PCDHGB7: variants seen among roughly 807,000 people sequenced by gnomAD.
The protein encoded by PCDHGB7 is protocadherin gamma subfamily B, 7.
A neutral mutation model predicts 61.4 loss-of-function variants in PCDHGB7; 37 were observed. The observed-to-expected ratio is 0.60, with a 90% CI of 0.46 to 0.79. PCDHGB7 has a LOEUF of 0.79. Among genes scored for constraint, PCDHGB7 ranks in the 30% least tolerant of loss-of-function variants. PCDHGB7 has a pLI of 0.00. For missense variants in PCDHGB7, 1,166 were observed against 1,202.5 expected (o/e 0.97, Z 0.45); for synonymous variants, 464 against 503.5 (o/e 0.92, Z 1.05).
Position 141,487,401 on chromosome 5 carries a change from T to C in PCDHGB7, c.2416-7406T>C, listed in dbSNP as rs2099644244. The C allele has an allele frequency of 6.2e-7, 1 of 1,614,134 alleles. No individual in the cohort carries two copies. The highest frequency in any genetic ancestry group is 1.3e-5 in the African/African-American group (1 of 75,046). On this transcript the variant is annotated intron_variant, in intron 1 of 3. Transcript: ENST00000398594. This position sits in a 1 kb window ranked among gnomAD's most constrained non-coding sequence, Gnocchi z 5.0. ...ACCAGATCTCGAAGGAGGGAGGGGCTTCCCCCTTCCAATGGGATCCTCCGA... is the reference window on the plus strand; with the variant it reads ...ACCAGATCTCGAAGGAGGGAGGGGCCTCCCCCTTCCAATGGGATCCTCCGA...
chr5:141,470,972 C>T (rs1186771156), intron 1 of PCDHGB7, among the ~76,000 whole-genome samples: 3 of 151,988 alleles, frequency 2.0e-5, no homozygotes, highest in Non-Finnish European at 4.4e-5. Flanking sequence ...CCACCTCAGC[C>T]TCCCAAAGTG....
chr5:141,467,063 T>C (rs1405374001), intron 1 of PCDHGB7, among the ~76,000 whole-genome samples: 2 of 151,716 alleles, frequency 1.3e-5, no homozygotes, highest in African/African-American at 2.4e-5. Flanking sequence ...TTCTTTTTTT[T>C]TTTTTTTTAG....
At chr5:141,454,313 G>A (rs986902404) in intron 1 of PCDHGB7, among the ~76,000 whole-genome samples, 1 of 152,296 alleles carries the variant, frequency 6.6e-6, no homozygotes, top group Non-Finnish European at 1.5e-5. Context: ...TCAAAGCATT[G>A]AAACCTCCAA....
chr5:141,435,951 G>A (rs371199258), intron 1 of PCDHGB7, among the ~76,000 whole-genome samples: 1 of 152,100 alleles, frequency 6.6e-6, no homozygotes, highest in Non-Finnish European at 1.5e-5. Context: ...ACCAAAAAAG[G>A]GGGCAAAATA....
chr5:141,441,547 A>G (rs1393958373), intron 1 of PCDHGB7: 1 of 182,772 alleles, frequency 5.5e-6, no homozygotes, highest in Admixed American at 6.4e-5. Context: ...CAAAGCCTCC[A>G]TAGTGTGCAA....
Position 141,500,858 on chromosome 5 carries a change from A to G in PCDHGB7, c.2475-4535A>G, listed in dbSNP as rs1160743056. Among the ~76,000 whole-genome samples the G allele has an allele frequency of 3.3e-5, 5 of 150,740 alleles. No individual in the cohort carries two copies. The South Asian group carries it at 1.0e-3, about 32-fold the overall frequency. ...TAATGGGCTTTTGCTACATTAGAAA[A>G]CATACACATTCATTTACAATTTTTT... On this transcript the variant is annotated intron_variant, in intron 2 of 3. Coordinates refer to ENST00000398594, the MANE Select transcript of PCDHGB7 (RefSeq NM_018927.4).
At chr5:141,453,481 TA>T (rs1178324090) in intron 1 of PCDHGB7, among the ~76,000 whole-genome samples, 1 of 151,928 alleles carries the variant, frequency 6.6e-6, no homozygotes, top group Non-Finnish European at 1.5e-5. Context: ...TCAAAACTAT[TA>T]AAAAAAGGTG....
chr5:141,469,511 G>A (rs2099203340), intron 1 of PCDHGB7, among the ~76,000 whole-genome samples: 1 of 152,038 alleles, frequency 6.6e-6, no homozygotes, highest in African/African-American at 2.4e-5. Flanking sequence ...GGAGGTGGAG[G>A]TTGCAGTGAG....
intron 3 of PCDHGB7, chr5:141,508,338 A>T (rs1245526252): frequency 1.3e-5 from 2 of 152,224 alleles, no homozygotes; most frequent in Non-Finnish European, 2.9e-5. Flanking sequence ...AACTGACTCT[A>T]CAGAAAGTCA....
At chr5:141,443,704 C>T (rs894128704) in intron 1 of PCDHGB7, among the ~76,000 whole-genome samples, 6 of 152,102 alleles carry the variant, frequency 3.9e-5, no homozygotes, top group Non-Finnish European at 7.4e-5. Flanking sequence ...TATAGAATAA[C>T]ATTTGCATAT....
At chr5:141,436,208 A>G (rs1287696925) in intron 1 of PCDHGB7, among the ~76,000 whole-genome samples, 1 of 152,152 alleles carries the variant, frequency 6.6e-6, no homozygotes, top group Non-Finnish European at 1.5e-5. Context: ...CATAATAGGA[A>G]AACAAATGAC....
chr5:141,456,299 A>G (rs11167748), intron 1 of PCDHGB7, among the ~76,000 whole-genome samples: 25,602 of 152,048 alleles, frequency 0.17, 2,205 homozygotes, highest in South Asian at 0.22. Context: ...TCTAATGGAG[A>G]ACAGCAGCTA....
At chr5:141,423,674 C>T (rs57195665) in intron 1 of PCDHGB7, 3 of 1,514,742 alleles carry the variant, frequency 2.0e-6, no homozygotes, top group African/African-American at 1.5e-5. Context: ...AGATTTATTT[C>T]TCTGCCTCCT....
chr5:141,448,788 A>C (rs865953914), intron 1 of PCDHGB7, among the ~76,000 whole-genome samples: 3 of 151,964 alleles, frequency 2.0e-5, no homozygotes, highest in South Asian at 2.1e-4. Flanking sequence ...AAAATACAAA[A>C]AAAAAAATTA....
At chr5:141,495,613 G>A (rs1230710705) in intron 2 of PCDHGB7, among the ~76,000 whole-genome samples, 2 of 152,068 alleles carry the variant, frequency 1.3e-5, no homozygotes, top group Non-Finnish European at 2.9e-5. Flanking sequence ...CTTGATTGCT[G>A]CACCTCAGCC....
intron 1 of PCDHGB7, among the ~76,000 whole-genome samples, chr5:141,469,162 G>A (rs2099192596): frequency 6.6e-6 from 1 of 152,062 alleles, no homozygotes; most frequent in Admixed American, 6.6e-5. Flanking sequence ...TGTAGTCCCA[G>A]CTACTTGGGA....
At chr5:141,448,692 G>A (rs913533738) in intron 1 of PCDHGB7, among the ~76,000 whole-genome samples, 6 of 152,072 alleles carry the variant, frequency 3.9e-5, no homozygotes, top group African/African-American at 9.7e-5. Context: ...TGTAATCGCA[G>A]CACTTTGGGA....
chr5:141,419,231 C>G lies in PCDHGB7; in HGVS notation c.1372C>G (p.Leu458Val), dbSNP rs1309708358. 2.5e-6 allele frequency: 4 copies of G among 1,614,026 alleles called. No homozygotes were observed. Among genetic ancestry groups the G allele is most frequent in the Admixed American group, 1.7e-5 (1 of 60,032 alleles). The change falls in exon 1 of 4, where the codon CTG becomes GTG. Residue 458 changes from leucine (L) to valine (V), a missense_variant. Physicochemically the swap from Leu to Val is conservative, Grantham distance 32. Coordinates refer to ENST00000398594, the MANE Select transcript of PCDHGB7 (RefSeq NM_018927.4). ...GCCGGTTTTCGGACAGTCAGCCTACCTGGTCCACGTGCCAGAAAACAACCA... is the reference window on the plus strand; with the variant it reads ...GCCGGTTTTCGGACAGTCAGCCTACGTGGTCCACGTGCCAGAAAACAACCA... ...NAPVFGQSAY[L>V]VHVPENNQPG...
At chr5:141,478,519 G>T (rs778194073) in intron 1 of PCDHGB7, 19 of 1,610,728 alleles carry the variant, frequency 1.2e-5, no homozygotes, top group Non-Finnish European at 1.6e-5. Flanking sequence ...GGCAGGTGTT[G>T]GGTGCAGAGA....
Sources: allele counts gnomAD v4.1 joint callset (sites outside exome capture counted in the v4.1 genomes callset), GRCh38; gene constraint gnomAD v4.1.1; non-coding constraint Gnocchi (gnomAD v3.1); transcripts MANE v1.5; gene names NCBI Gene and HGNC (gene_info 2026-07-23, HGNC 2026-07-21).